ROS1: variants seen among roughly 807,000 people sequenced by gnomAD.
ROS1 encodes proto-oncogene tyrosine-protein kinase ROS.
A neutral mutation model predicts 273.5 loss-of-function variants in ROS1; 263 were observed. The ratio of observed to expected loss-of-function variants is 0.96; its 90% CI spans 0.87 to 1.06. The LOEUF (loss-of-function observed/expected upper bound fraction) is 1.06. Ranked by LOEUF, ROS1 falls within the 50% of genes least tolerant of loss-of-function variation. ROS1 has a pLI of 0.00. For synonymous variants in ROS1, 1,008 were observed against 954.1 expected (o/e 1.06, Z -1.04); for missense variants, 2,833 against 2,751.1 (o/e 1.03, Z -0.67).
At chr6:117,297,684 G>A (rs201074613) in intron 43 of ROS1, among the ~76,000 whole-genome samples, 1 of 152,018 alleles carries the variant, frequency 6.6e-6, no homozygotes, top group African/African-American at 2.4e-5. Flanking sequence ...CATCCTCCCC[G>A]AGTCAGAATG....
rs1776075507 is a variant in ROS1 at position 117,425,552 on chromosome 6, C to G, written c.105G>C (p.Lys35Asn). The change falls in exon 1 of 44, where the codon AAG becomes AAC. Residue 35 changes from lysine (K) to asparagine (N), a missense_variant. By Grantham distance (94) the Lys-to-Asn change is moderately conservative. Transcript: ENST00000368507. ...GACTTACCAGATTAGTTACACACGACTTTAGGCAGCTATTTAAAACTGTAC... is the reference window on the plus strand; with the variant it reads ...GACTTACCAGATTAGTTACACACGAGTTTAGGCAGCTATTTAAAACTGTAC... ...VQCTVLNSCLKSCVTNLGQQL... is the reference protein window; with the variant it reads ...VQCTVLNSCLNSCVTNLGQQL... 1.2e-6 allele frequency: 2 copies of G among 1,601,508 alleles called. No homozygotes were observed.
chr6:117,321,339 A>C lies in ROS1; in HGVS notation c.5679T>G (p.Leu1893=), dbSNP rs1234142277. The change falls in exon 36 of 44, where the codon CTT becomes CTG. Residue 1893 remains leucine (L), a synonymous_variant. Transcript: ENST00000368507. ...QKSAKEGVTV[L]INEDKELAEL... is the part of the protein sequence containing the mutation. ...CAGCCAACTCTTTGTCTTCGTTTAT[A>C]AGCACTGTCACCCCTTCCTTGGCAC... is the stretch of plus-strand genomic sequence containing the variant. The C allele has an allele frequency of 6.2e-7, 1 of 1,613,730 alleles. No individual in the cohort carries two copies. Among genetic ancestry groups the C allele is most frequent in the Middle Eastern group, 1.7e-4 (1 of 6,058 alleles).
At chr6:117,330,794 T>TAAA in intron 32 of ROS1, among the ~76,000 whole-genome samples, 1 of 151,920 alleles carries the variant, frequency 6.6e-6, no homozygotes, top group South Asian at 2.1e-4. Context: ...AGCATCATCA[T>TAAA]CAACAACAAC....
chr6:117,307,018 A>G (rs978295307), intron 42 of ROS1, among the ~76,000 whole-genome samples: 2 of 152,188 alleles, frequency 1.3e-5, no homozygotes, highest in African/African-American at 4.8e-5. Context: ...AACAATGGCA[A>G]TCCAATCAAT....
rs563446865 is a variant in ROS1, at chr6:117,323,936, A to C, written c.5623+396T>G. Among the ~76,000 whole-genome samples the C allele has an allele frequency of 3.3e-5, 5 of 152,298 alleles. No individual in the cohort carries two copies. The South Asian group carries it at 1.0e-3, about 32-fold the overall frequency. ...AAAACTATCCCAATCAAAGATTGTC[A>C]CTGGCCTCCCATTAATTCTATACTT... On this transcript the variant is annotated intron_variant, in intron 35 of 43. Coordinates refer to ENST00000368507, the MANE Select transcript of ROS1 (RefSeq NM_001378902.1).
intron 32 of ROS1, among the ~76,000 whole-genome samples, chr6:117,333,504 A>G (rs1395024428): frequency 6.6e-6 from 1 of 152,228 alleles, no homozygotes; most frequent in East Asian, 1.9e-4. Flanking sequence ...TGAAGCCAGC[A>G]TCATCCTGAT....
chr6:117,312,771 TACTCTGG>T (rs1413010609), intron 39 of ROS1, among the ~76,000 whole-genome samples: 1 of 152,148 alleles, frequency 6.6e-6, no homozygotes, highest in Non-Finnish European at 1.5e-5. Flanking sequence ...CTCTAGATGC[TACTCTGG>T]ACTACCACCT....
In ROS1 at chr6:117,318,206, T is replaced by C. The variant is rs1318185001; in HGVS notation, c.5969A>G (p.Lys1990Arg). ...GAGCTACCTCATCAGATGTGCCTCC[T>C]TCAGGAATTCAATCTTCTCCTGGTC... is the stretch of plus-strand genomic sequence containing the variant. ...STDQEKIEFLKEAHLMSKFNH... is the reference protein window; with the variant it reads ...STDQEKIEFLREAHLMSKFNH... The change falls in exon 38 of 44, where the codon AAG (lysine) becomes AGG (arginine). Residue 1990 changes from lysine (K) to arginine (R), a missense_variant. Coordinates refer to ENST00000368507, the MANE Select transcript of ROS1 (RefSeq NM_001378902.1). 4 of 1,612,874 alleles carry C rather than the reference T, an allele frequency of 2.5e-6. No homozygotes were observed. In the East Asian group the frequency reaches 6.7e-5, roughly 27 times the overall value.
In ROS1 at chr6:117,360,019, CA is replaced by C. The variant is rs781021077; in HGVS notation, c.3431-9del. 23 of 1,602,216 alleles carry C rather than the reference CA, an allele frequency of 1.4e-5. No homozygotes were observed. The highest frequency in any genetic ancestry group is 1.8e-5 in the Non-Finnish European group (21 of 1,173,308). ...GAGGAAATGGGTTGATTTCTGAAAG[CA>C]AAAAAACATGTAGATAATATGCATG... On this transcript the variant is annotated splice_polypyrimidine_tract_variant and intron_variant, in intron 23 of 43. Coordinates refer to ENST00000368507, the MANE Select transcript of ROS1 (RefSeq NM_001378902.1).
At chr6:117,344,410 T>C (rs1248258983) in intron 27 of ROS1, 148 bp from the exon 28 acceptor site, 1 of 622,244 alleles carries the variant, frequency 1.6e-6, no homozygotes, top group Non-Finnish European at 2.7e-6. Context: ...ATGAAAATGA[T>C]TTGAAATAAT....
In ROS1 at chr6:117,341,234, C is replaced by G. The variant is rs2128621755; in HGVS notation, c.4962G>C (p.Glu1654Asp). 2.5e-6 allele frequency: 4 copies of G among 1,613,598 alleles called. No homozygotes were observed. Among genetic ancestry groups the G allele is most frequent in the Non-Finnish European group, 2.5e-6 (3 of 1,179,654 alleles). Reference protein sequence around the residue: ...PVTVEMFNTPEKPYSLVPENT... With the variant: ...PVTVEMFNTPDKPYSLVPENT... Reference sequence around the variant, plus strand: ...TCTCTGGAACCAAGGAATAAGGTTTCTCTGGTGTGTTAAACATTTCCACAG... The same window carrying G: ...TCTCTGGAACCAAGGAATAAGGTTTGTCTGGTGTGTTAAACATTTCCACAG... Residue 1654 changes from glutamate to aspartate, a missense_variant, in exon 31 of 44, where the codon GAG becomes GAC. Coordinates refer to ENST00000368507, the MANE Select transcript of ROS1 (RefSeq NM_001378902.1).
chr6:117,390,393 C>T (rs984391931), intron 12 of ROS1, among the ~76,000 whole-genome samples: 10 of 151,978 alleles, frequency 6.6e-5, no homozygotes, highest in Non-Finnish European at 1.3e-4. Flanking sequence ...TCCCAAAGTG[C>T]TGGGATTACA....
chr6:117,334,217 C>T (rs1187412682), intron 32 of ROS1, among the ~76,000 whole-genome samples: 1 of 151,976 alleles, frequency 6.6e-6, no homozygotes, highest in African/African-American at 2.4e-5. Flanking sequence ...AAGCAGAGAG[C>T]CAAATCATGA....
intron 1 of ROS1, among the ~76,000 whole-genome samples, chr6:117,420,842 A>G (rs1367718643): frequency 6.6e-6 from 1 of 151,898 alleles, no homozygotes; most frequent in African/African-American, 2.4e-5. Flanking sequence ...TTATGTCCCA[A>G]CTTGCTGTTA....
At chr6:117,385,608 A>G in intron 16 of ROS1, 75 bp downstream of exon 16, 1 of 1,327,138 alleles carries the variant, frequency 7.5e-7, no homozygotes. Flanking sequence ...AAAAAAAAAA[A>G]AGAAATTGGT....
intron 25 of ROS1, 29 bp downstream of exon 25, chr6:117,357,775 A>G (rs1779448945): frequency 2.1e-6 from 3 of 1,398,360 alleles, no homozygotes; most frequent in Non-Finnish European, 3.0e-6. Context: ...ATTTCATCAC[A>G]ATATAAAAAA....
chr6:117,357,976 C>T lies in ROS1; in HGVS notation c.3667G>A (p.Val1223Ile). 1 of 1,613,458 alleles carries T rather than the reference C, an allele frequency of 6.2e-7. No individual in the cohort carries two copies. The highest frequency in any genetic ancestry group is 8.5e-7 in the Non-Finnish European group (1 of 1,179,684). ...CTTGAAATCCAGTCAATTGTAATAA[C>T]TGTGATATCAAAAACCAGTGAATCT... The part of the protein sequence containing the change: ...FQDSLVFDIT[V>I]ITIDWISRHL... The change falls in exon 25 of 44, where the codon GTT becomes ATT. Residue 1223 changes from valine (V) to isoleucine (I), a missense_variant. Transcript: ENST00000368507.
At position 117,300,184 on chromosome 6, in the gene ROS1, C is replaced by T. The variant is rs1190742613; in HGVS notation, c.6715+790G>A. Among the ~76,000 whole-genome samples, 4 of 144,434 alleles carry T rather than the reference C, an allele frequency of 2.8e-5. No homozygotes were observed. The East Asian group carries it at 8.2e-4, about 30-fold the overall frequency. The allele number at this position is 144,434 out of a possible 152,430, so 94.8% of individuals were successfully genotyped here. ...GCCAGGATGCTCTTGATCTCCTGAC[C>T]TCATGATCCGCCCGCCTCGGCCTCC... On this transcript the variant is annotated intron_variant, in intron 43 of 43. Coordinates refer to ENST00000368507, the MANE Select transcript of ROS1 (RefSeq NM_001378902.1).
Position 117,311,009 on chromosome 6 carries a change from G to T in ROS1, c.6215+11C>A. 1 of 1,555,742 alleles carries T rather than the reference G, an allele frequency of 6.4e-7. No individual in the cohort carries two copies. The highest frequency in any genetic ancestry group is 8.8e-7 in the Non-Finnish European group (1 of 1,131,554). ...ATCCGTAATAACCCTGTATCCAGAA[G>T]AGAATTGTACCTGTGAATGAAATGC... On this transcript the variant is annotated intron_variant, in intron 40 of 43. Coordinates refer to ENST00000368507, the MANE Select transcript of ROS1 (RefSeq NM_001378902.1).
Sources: gnomAD v4.1 joint callset for allele counts (sites outside exome capture counted in the v4.1 genomes callset) on GRCh38, gnomAD v4.1.1 for gene constraint, MANE v1.5 for transcripts, NCBI Gene and HGNC (gene_info 2026-07-23, HGNC 2026-07-21) for gene names.